TLE3: variants seen among roughly 807,000 people sequenced by gnomAD.
The protein encoded by TLE3 is transducin-like enhancer protein 3.
Under a neutral mutation model 93.0 loss-of-function variants are expected in TLE3, and 14 were observed. That is an observed-to-expected ratio of 0.15 (90% CI 0.10 to 0.24). TLE3 has a LOEUF of 0.24. Among genes scored for constraint, TLE3 ranks in the 10% least tolerant of loss-of-function variants. The pLI is 1.00. For synonymous variants in TLE3, 451 were observed against 425.0 expected (o/e 1.06, Z -0.75); for missense variants, 693 against 1,046.6 (o/e 0.66, Z 4.66).
intron 3 of TLE3, 47 bp downstream of exon 3, chr15:70,095,531 C>A (rs1389866760): frequency 7.1e-6 from 11 of 1,547,034 alleles, no homozygotes; most frequent in Middle Eastern, 1.7e-4. Flanking sequence ...CGCCCCCGGC[C>A]GGGGTCGGCG....
chr15:70,057,629 T>A lies in TLE3; in HGVS notation c.1081A>T (p.Thr361Ser). The A allele has an allele frequency of 6.3e-7, 1 of 1,584,580 alleles. No homozygotes were observed. Reference protein sequence around the residue: ...ASALRTPISITSSYAAPFAMM... With the variant: ...ASALRTPISISSSYAAPFAMM... Reference sequence around the variant, plus strand: ...GCGAAGGGCGCCGCATAGGAGCTGGTGATGGAGATGGGCGTGCGCAGAGCC... The same window carrying A: ...GCGAAGGGCGCCGCATAGGAGCTGGAGATGGAGATGGGCGTGCGCAGAGCC... Residue 361 changes from threonine (T) to serine (S), a missense_variant, in exon 13 of 20, where the codon ACC (threonine) becomes TCC (serine). Physicochemically the swap from Thr to Ser is moderately conservative, Grantham distance 58. Around this residue, in one of 4 missense-constraint regions of TLE3, gnomAD observed 405 missense variants for 468.9 expected, o/e 0.86. Coordinates refer to ENST00000451782, the MANE Select transcript of TLE3 (RefSeq NM_001105192.3).
chr15:70,087,195 A>T (rs910106100), intron 4 of TLE3, among the ~76,000 whole-genome samples: 9 of 152,132 alleles, frequency 5.9e-5, no homozygotes, highest in Non-Finnish European at 1.3e-4. Flanking sequence ...GTGAAAACAA[A>T]TACAAAATGG....
Position 70,076,134 on chromosome 15 carries a change from T to C in TLE3, c.259A>G (p.Thr87Ala). The change falls in exon 5 of 20, where the codon ACA (threonine) becomes GCA (alanine). Residue 87 changes from threonine to alanine, a missense_variant. Thr to Ala is a moderately conservative substitution (Grantham distance 58). Around this residue, in one of 4 missense-constraint regions of TLE3, gnomAD observed 104 missense variants for 173.8 expected, o/e 0.60. Transcript: ENST00000451782. ...AAAGGCATGATCTGTGCTAAAATTG[T>C]GTTCAGTCTCTTCGCAATCTCTGTC... is the stretch of plus-strand genomic sequence containing the variant. ...KQTEIAKRLN[T>A]ILAQIMPFLS... 6.2e-7 allele frequency: 1 copy of C among 1,614,034 alleles called. No homozygotes were observed. Among genetic ancestry groups the C allele is most frequent in the Non-Finnish European group, 8.5e-7 (1 of 1,179,884 alleles).
In TLE3 at chr15:70,058,136, C is replaced by T. The variant is rs764204610; in HGVS notation, c.1051+23G>A. ...CCTCCCCCCAATCAGATTAACCCAG[C>T]CCATGGTGCCTACCCATTATACCTA... On this transcript the variant is annotated intron_variant, in intron 12 of 19. Transcript: ENST00000451782. The surrounding 1 kb of genome is among the most constrained non-coding windows in gnomAD (Gnocchi z 4.1). The T allele has an allele frequency of 1.2e-6, 2 of 1,613,888 alleles. No individual in the cohort carries two copies. Among genetic ancestry groups the T allele is most frequent in the Non-Finnish European group, 1.7e-6 (2 of 1,179,824 alleles).
intron 8 of TLE3, 113 bp downstream of exon 8, chr15:70,064,341 G>A: frequency 1.5e-6 from 2 of 1,326,286 alleles, no homozygotes; most frequent in South Asian, 2.5e-5. Context: ...GAACCCAGAA[G>A]CCAGCTTTGG....
intron 19 of TLE3, chr15:70,050,455 G>A (rs2055418172): frequency 4.8e-6 from 2 of 417,454 alleles, no homozygotes; most frequent in Non-Finnish European, 8.9e-6. Context: ...GAAAAGCTCA[G>A]TAACAGTCTC....
intron 4 of TLE3, among the ~76,000 whole-genome samples, chr15:70,086,771 G>A (rs977997556): frequency 1.3e-5 from 2 of 152,154 alleles, no homozygotes; most frequent in African/African-American, 2.4e-5. Flanking sequence ...CCAAGGCATG[G>A]CAAGCCGAGT....
intron 4 of TLE3, among the ~76,000 whole-genome samples, chr15:70,077,572 G>T (rs989914473): frequency 6.6e-6 from 1 of 152,194 alleles, no homozygotes; most frequent in African/African-American, 2.4e-5. Flanking sequence ...CCACTAAAGA[G>T]GACGCCTCTG....
chr15:70,054,812 G>T, intron 15 of TLE3, 127 bp from the exon 16 acceptor site: 2 of 1,342,886 alleles, frequency 1.5e-6, no homozygotes, highest in Non-Finnish European at 2.0e-6. Context: ...CCCAGCAGCT[G>T]CCAGGCTGTC....
chr15:70,076,412 T>A (rs1354817621), intron 4 of TLE3, among the ~76,000 whole-genome samples: 1 of 152,224 alleles, frequency 6.6e-6, no homozygotes, highest in Admixed American at 6.5e-5. Context: ...GTAGTCTACA[T>A]GTCTGGTTCA....
At chr15:70,052,269 C>T (rs1203755756) in intron 18 of TLE3, 105 bp downstream of exon 18, 4 of 1,460,762 alleles carry the variant, frequency 2.7e-6, no homozygotes, top group Non-Finnish European at 3.7e-6. Flanking sequence ...GGTTCCAGGG[C>T]CTAGCTTATT....
intron 17 of TLE3, chr15:70,053,015 C>G (rs940939382): frequency 1.2e-5 from 7 of 565,854 alleles, no homozygotes; most frequent in Non-Finnish European, 1.8e-5. Flanking sequence ...CGAATTTCCA[C>G]AGTTGGGCCA....
At chr15:70,095,400 G>C (rs1280769377) in intron 3 of TLE3, 178 bp downstream of exon 3, 1 of 1,473,872 alleles carries the variant, frequency 6.8e-7, no homozygotes, top group East Asian at 2.5e-5. Context: ...CCTCCTCCAA[G>C]TGGCCCCGGC....
chr15:70,097,453 T>TGCC lies in TLE3; in HGVS notation c.-658_-656dup, dbSNP rs907501738. 283 of 416,578 alleles carry TGCC rather than the reference T, an allele frequency of 6.8e-4. No homozygotes were observed. Among genetic ancestry groups the TGCC allele is most frequent in the African/African-American group, 2.6e-3 (127 of 48,778 alleles). The allele number at this position is 416,578 out of a possible 1,614,324, so 25.8% of individuals were successfully genotyped here. On this transcript the variant is annotated 5_prime_UTR_variant, in exon 1 of 20. Transcript: ENST00000451782. The stretch of plus-strand genomic sequence containing the variant: ...CTGCTGTTCCGTCTGCTACTGCCGC[T>TGCC]GCCGCCGCCGCCGCCGCCGCTGCAA...
intron 3 of TLE3, chr15:70,095,314 T>G: frequency 7.3e-7 from 1 of 1,368,036 alleles, no homozygotes. Context: ...AAACACAAAT[T>G]AAAGGCACAT....
chr15:70,095,496 C>A, intron 3 of TLE3, 82 bp downstream of exon 3: 2 of 1,547,098 alleles, frequency 1.3e-6, no homozygotes, highest in Non-Finnish European at 1.7e-6. Context: ...GGGGACCTGG[C>A]GCTCATCTCC....
intron 2 of TLE3, chr15:70,095,871 G>A (rs1353456176): frequency 6.3e-6 from 4 of 634,710 alleles, no homozygotes; most frequent in East Asian, 5.6e-5. Context: ...ACGGCAGCAG[G>A]GGAGTAGGAC....
At chr15:70,051,237 C>T (rs995910801) in intron 19 of TLE3, 154 bp downstream of exon 19, 30 of 661,250 alleles carry the variant, frequency 4.5e-5, no homozygotes, top group Non-Finnish European at 7.0e-5. Flanking sequence ...AATCTTGCTC[C>T]CCTATCAGGT....
In TLE3 at chr15:70,097,716, T is replaced by G; in HGVS notation, c.-918A>C. On this transcript the variant is annotated 5_prime_UTR_variant, in exon 1 of 20. Coordinates refer to ENST00000451782, the MANE Select transcript of TLE3 (RefSeq NM_001105192.3). Reference sequence around the variant, plus strand: ...GAGACCGGGGAGCTCTACGGCTTCCTTCCTTCCCCTCGGCCCGGCTCTCCT... The same window carrying G: ...GAGACCGGGGAGCTCTACGGCTTCCGTCCTTCCCCTCGGCCCGGCTCTCCT... 1 of 395,820 alleles carries G rather than the reference T, an allele frequency of 2.5e-6. No homozygotes were observed. Among genetic ancestry groups the G allele is most frequent in the Admixed American group, 4.4e-5 (1 of 22,598 alleles). The allele number at this position is 395,820 out of a possible 1,614,324, so 24.5% of individuals were successfully genotyped here. A position where few individuals can be genotyped will look rare whatever the true frequency, so the allele number is the denominator to read the frequency against.
Sources: allele counts gnomAD v4.1 joint callset (sites outside exome capture counted in the v4.1 genomes callset), GRCh38; gene constraint gnomAD v4.1.1; regional missense constraint gnomAD v4.1.1; non-coding constraint Gnocchi (gnomAD v3.1); transcripts MANE v1.5; gene names NCBI Gene and HGNC (gene_info 2026-07-23, HGNC 2026-07-21).